ETNK1: variants seen among roughly 807,000 people sequenced by gnomAD.
The protein encoded by ETNK1 is putative protein product of Nbla10396.
Under a neutral mutation model 45.1 loss-of-function variants are expected in ETNK1, and 8 were observed. The observed-to-expected ratio is 0.18, with a 90% confidence interval of 0.10 to 0.32. The LOEUF (loss-of-function observed/expected upper bound fraction) is 0.32. ETNK1 is among the 10% of genes least tolerant of loss of function. The probability of loss-of-function intolerance (pLI) is 1.00; values close to 1 mark genes in which losing one functional copy is unlikely to be tolerated. For missense variants in ETNK1, 302 were observed against 430.6 expected, an observed-to-expected ratio of 0.70 and a Z score of 2.64; for synonymous variants, 152 against 151.9, an observed-to-expected ratio of 1.00 and a Z score of -0.01.
chr12:22,658,660 A>AC (rs1374548435), intron 2 of ETNK1, among the ~76,000 whole-genome samples: 1 of 152,162 alleles, frequency 6.6e-6, no homozygotes, highest in African/African-American at 2.4e-5. Context: ...GGGAATGTAT[A>AC]CCCAAGGAGC....
intron 2 of ETNK1, among the ~76,000 whole-genome samples, chr12:22,655,297 A>G (rs1953924856): frequency 6.7e-6 from 1 of 149,928 alleles, no homozygotes; most frequent in Non-Finnish European, 1.5e-5. Flanking sequence ...TGAAATGGCA[A>G]GTTAGTCTAT....
At position 22,661,106 on chromosome 12, in the gene ETNK1, A is replaced by G; in HGVS notation, c.601A>G (p.Met201Val). The change falls in exon 4 of 8, where the codon ATG (methionine) becomes GTG (valine). Residue 201 changes from methionine (M) to valine (V), a missense_variant. Met to Val is a conservative substitution (Grantham distance 21). This residue lies in a region of ETNK1 where 205 missense variants were observed against 259.9 expected (regional missense o/e 0.79). Coordinates refer to ENST00000266517, the MANE Select transcript of ETNK1 (RefSeq NM_018638.5). ...IPSSQILQEE[M>V]TWMKEILSNL... is the part of the protein sequence containing the mutation. ...AAGCTCTCAGATTCTCCAGGAAGAG[A>G]TGACTTGGATGAAGGAGATTCTTTC... The G allele has an allele frequency of 6.2e-7, 1 of 1,612,502 alleles. No homozygotes were observed. Among genetic ancestry groups the G allele is most frequent in the Non-Finnish European group, 8.5e-7 (1 of 1,179,484 alleles).
Position 22,688,283 on chromosome 12 carries a change from T to C in ETNK1, c.*3329T>C, listed in dbSNP as rs777024812. The C allele has an allele frequency of 2.6e-5, 4 of 151,834 alleles. No homozygotes were observed. Among genetic ancestry groups the C allele is most frequent in the Non-Finnish European group, 5.9e-5 (4 of 67,754 alleles). The allele number at this position is 151,834 out of a possible 1,614,324, so 9.4% of individuals were successfully genotyped here. On this transcript the variant is annotated 3_prime_UTR_variant, in exon 8 of 8. Transcript: ENST00000266517. ...ACTTCTCTAAATTTAAAGTTGATCA[T>C]GATAGGATCATAAAAGACAGAAAAG...
intron 2 of ETNK1, among the ~76,000 whole-genome samples, chr12:22,644,786 A>G (rs1450874098): frequency 1.3e-5 from 2 of 152,000 alleles, no homozygotes; most frequent in Non-Finnish European, 1.5e-5. Context: ...AACCTCTTGA[A>G]AGGTACACTG....
chr12:22,655,210 C>G (rs1475171113), intron 2 of ETNK1, among the ~76,000 whole-genome samples: 4 of 152,026 alleles, frequency 2.6e-5, no homozygotes, highest in Non-Finnish European at 5.9e-5. Context: ...TCAGGTGATT[C>G]ATCCACCTTG....
intron 4 of ETNK1, among the ~76,000 whole-genome samples, chr12:22,666,750 T>G (rs1264537098): frequency 1.3e-5 from 2 of 152,196 alleles, no homozygotes; most frequent in Non-Finnish European, 2.9e-5. Flanking sequence ...GGAAAGCTTT[T>G]TCTGGGAATT....
intron 1 of ETNK1, among the ~76,000 whole-genome samples, chr12:22,634,419 A>G (rs1330169501): frequency 1.3e-5 from 2 of 152,134 alleles, no homozygotes; most frequent in African/African-American, 4.8e-5. Context: ...AGTGTCCTTG[A>G]CAAGTTTTGG....
At chr12:22,628,187 G>A (rs902133241) in intron 1 of ETNK1, among the ~76,000 whole-genome samples, 5 of 152,060 alleles carry the variant, frequency 3.3e-5, no homozygotes, top group African/African-American at 9.7e-5. Context: ...TGAGGTAGAT[G>A]TAGACGGTAC....
intron 6 of ETNK1, among the ~76,000 whole-genome samples, chr12:22,683,361 C>T (rs895420141): frequency 2.6e-5 from 4 of 151,828 alleles, no homozygotes; most frequent in Non-Finnish European, 5.9e-5. Flanking sequence ...CTCTAGTGAT[C>T]ACCAGCCTCC....
Position 22,625,510 on chromosome 12 carries a change from A to T in ETNK1, c.80A>T (p.His27Leu), listed in dbSNP as rs765602646. The T allele has an allele frequency of 3.5e-5, 56 of 1,606,452 alleles. No individual in the cohort carries two copies. The highest frequency in any genetic ancestry group is 5.1e-5 in the Admixed American group (3 of 59,336). Residue 27 changes from histidine to leucine, a missense_variant, in exon 1 of 8, where the codon CAT (histidine) becomes CTT (leucine). Physicochemically the swap from His to Leu is moderately conservative, Grantham distance 99 (BLOSUM62 -3). Around this residue, in one of 3 missense-constraint regions of ETNK1, gnomAD observed 205 missense variants for 259.9 expected, o/e 0.79. Transcript: ENST00000266517. ...LNVTVQDQEEHRCREGALSLL... is the reference protein window; with the variant it reads ...LNVTVQDQEELRCREGALSLL... ...GTCACCGTTCAGGATCAGGAGGAGC[A>T]TCGCTGCCGGGAGGGGGCCCTGAGC... is the stretch of plus-strand genomic sequence containing the variant.
chr12:22,636,711 T>C (rs1346668862), intron 1 of ETNK1, among the ~76,000 whole-genome samples: 1 of 152,206 alleles, frequency 6.6e-6, no homozygotes, highest in East Asian at 1.9e-4. Flanking sequence ...ACTGAACATG[T>C]GCAGATATTT....
chr12:22,632,186 C>T (rs942933608), intron 1 of ETNK1, among the ~76,000 whole-genome samples: 4 of 151,462 alleles, frequency 2.6e-5, no homozygotes, highest in South Asian at 2.1e-4. Context: ...TACAGGAAAC[C>T]GTATGAACAT....
At chr12:22,678,369 C>G (rs1320683112) in intron 6 of ETNK1, among the ~76,000 whole-genome samples, 3 of 152,154 alleles carry the variant, frequency 2.0e-5, no homozygotes. Context: ...TTTTTCAGTC[C>G]TTATCTTACT....
rs3983448 is a variant in ETNK1 at position 22,686,851 on chromosome 12, A to ATTTTT, written c.*1921_*1925dup. The ATTTTT allele has an allele frequency of 7.1e-4, 49 of 69,254 alleles. 5 individuals carry two copies. Among genetic ancestry groups the ATTTTT allele is most frequent in the African/African-American group, 1.9e-3 (32 of 17,086 alleles). The allele number at this position is 69,254 out of a possible 1,614,324, so 4.3% of individuals were successfully genotyped here. ...AGATAAAGAATGTGTAATACTCTTA[A>ATTTTT]TTTTTTTTTTTTTTTTTTTTTTTTT... On this transcript the variant is annotated 3_prime_UTR_variant, in exon 8 of 8. Coordinates refer to ENST00000266517, the MANE Select transcript of ETNK1 (RefSeq NM_018638.5).
chr12:22,655,237 G>A (rs1277929993), intron 2 of ETNK1, among the ~76,000 whole-genome samples: 2 of 152,088 alleles, frequency 1.3e-5, no homozygotes, highest in East Asian at 3.8e-4. Context: ...CAAAGTGTTG[G>A]GATTACAGGC....
intron 6 of ETNK1, among the ~76,000 whole-genome samples, chr12:22,675,051 T>A (rs150257106): frequency 1.3e-5 from 2 of 152,156 alleles, no homozygotes; most frequent in African/African-American, 4.8e-5. Context: ...CTTTTGAAAT[T>A]GATTTTATTT....
chr12:22,631,402 C>T (rs564149457), intron 1 of ETNK1, among the ~76,000 whole-genome samples: 3 of 151,940 alleles, frequency 2.0e-5, no homozygotes, highest in African/African-American at 2.4e-5. Flanking sequence ...CTCAAACTCC[C>T]GACCTCAGGT....
rs1414863890 is a variant in ETNK1, at chr12:22,662,051, CCCGCA to C, written c.700+849_700+853del. Among the ~76,000 whole-genome samples, 265 of 45,918 alleles carry C rather than the reference CCCGCA, an allele frequency of 5.8e-3. 5 individuals carry two copies. Among genetic ancestry groups the C allele is most frequent in the African/African-American group, 0.018 (234 of 13,154 alleles). 30.1% of individuals were successfully genotyped at this position (45,918 alleles called of 152,430 possible). A position where few individuals can be genotyped will look rare whatever the true frequency, so the allele number is the denominator to read the frequency against. ...TTTTCATTTTATAGGAAACTAGTTC[CCCGCA>C]CCCCCCCCCCCTTTTTTTTTCCTTT... On this transcript the variant is annotated intron_variant, in intron 4 of 7. Transcript: ENST00000266517.
Position 22,687,539 on chromosome 12 carries a change from T to G in ETNK1, c.*2585T>G, listed in dbSNP as rs1954271141. 1 of 152,246 alleles carries G rather than the reference T, an allele frequency of 6.6e-6. No homozygotes were observed. The highest frequency in any genetic ancestry group is 1.5e-5 in the Non-Finnish European group (1 of 67,760). The allele number at this position is 152,246 out of a possible 1,614,324, so 9.4% of individuals were successfully genotyped here. ...TTAACAAGCCAAATTCCGCAATTTT[T>G]TTTCCTTTTTTCCCCTTCATACTTG... On this transcript the variant is annotated 3_prime_UTR_variant, in exon 8 of 8. Transcript: ENST00000266517.
Sources: gnomAD v4.1 joint callset for allele counts (sites outside exome capture counted in the v4.1 genomes callset) on GRCh38, gnomAD v4.1.1 for gene constraint, gnomAD v4.1.1 regional missense constraint, MANE v1.5 for transcripts, NCBI Gene and HGNC (gene_info 2026-07-23, HGNC 2026-07-21) for gene names.